The following PDE1C variants were observed in gnomAD, a reference collection of about 807,000 sequenced individuals.
PDE1C encodes dual specificity calcium/calmodulin-dependent 3',5'-cyclic nucleotide phosphodiesterase 1C.
A neutral mutation model predicts 93.1 loss-of-function variants in PDE1C; 62 were observed. The observed-to-expected ratio is 0.67, with a 90% CI of 0.54 to 0.82. The LOEUF (loss-of-function observed/expected upper bound fraction) is 0.82. Among genes scored for constraint, PDE1C ranks in the 40% least tolerant of loss-of-function variants. The pLI is 0.00. For synonymous variants in PDE1C, 325 were observed against 310.1 expected (o/e 1.05, Z -0.50); for missense variants, 742 against 884.6 (o/e 0.84, Z 2.04).
At chr7:31,646,317 TA>T in the PDE1C span, among the ~76,000 whole-genome samples, 1 of 152,128 alleles carries the variant, frequency 6.6e-6, no homozygotes, top group African/African-American at 2.4e-5. Context: ...TGTGAGGTAC[TA>T]GGGGTGTCCT....
intron 1 of PDE1C, among the ~76,000 whole-genome samples, chr7:32,245,302 AAAC>A (rs1175320660): frequency 1.3e-5 from 2 of 152,180 alleles, no homozygotes; most frequent in East Asian, 1.9e-4. Context: ...TCTTTAGCTG[AAAC>A]AACAAAACCC....
intron 3 of PDE1C, among the ~76,000 whole-genome samples, chr7:32,157,178 G>T (rs1801624316): frequency 6.6e-6 from 1 of 152,192 alleles, no homozygotes; most frequent in Admixed American, 6.5e-5. Context: ...TCAGTTAAAA[G>T]AGACTATCTT....
At chr7:32,237,014 A>G (rs1808136100) in intron 1 of PDE1C, among the ~76,000 whole-genome samples, 1 of 151,904 alleles carries the variant, frequency 6.6e-6, no homozygotes, top group Admixed American at 6.6e-5. Context: ...TCTTGTAGGC[A>G]TTATTCTGAG....
intron 1 of PDE1C, among the ~76,000 whole-genome samples, chr7:32,065,055 G>GC (rs1252499770): frequency 3.0e-5 from 1 of 33,524 alleles, no homozygotes; most frequent in African/African-American, 8.6e-5. Flanking sequence ...CGGCGGTGGG[G>GC]GGGGGGGGGA....
intron 1 of PDE1C, among the ~76,000 whole-genome samples, chr7:32,357,052 G>T (rs1396044498): frequency 6.6e-6 from 1 of 152,184 alleles, no homozygotes; most frequent in East Asian, 1.9e-4. Flanking sequence ...AAAAACTTTA[G>T]GCCGGGCTCA....
intron 3 of PDE1C, among the ~76,000 whole-genome samples, chr7:32,116,778 G>C (rs947287660): frequency 1.3e-5 from 2 of 152,058 alleles, no homozygotes; most frequent in African/African-American, 2.4e-5. Flanking sequence ...GATAATTTTT[G>C]TCCCCTTTTG....
chr7:32,427,027 C>T (rs982309711), intron 1 of PDE1C, among the ~76,000 whole-genome samples: 2 of 152,124 alleles, frequency 1.3e-5, no homozygotes, highest in African/African-American at 4.8e-5. Context: ...AAGGCATTTT[C>T]CTCCCACTTG....
In PDE1C at chr7:31,779,466, C is replaced by T. The variant is rs1783238757; in HGVS notation, c.1892-3734G>A. 3.3e-5 allele frequency among the ~76,000 whole-genome samples: 5 copies of T among 152,118 alleles called. No homozygotes were observed. The South Asian group carries it at 1.0e-3, about 32-fold the overall frequency. Reference sequence around the variant, plus strand: ...CTTTTCGTAGAGGTAGCTTTTCATCCCCTTGGTGTCTTCTTTGCAAACACT... The same window carrying T: ...CTTTTCGTAGAGGTAGCTTTTCATCTCCTTGGTGTCTTCTTTGCAAACACT... On this transcript the variant is annotated intron_variant, in intron 16 of 17. Coordinates refer to ENST00000396191, the MANE Select transcript of PDE1C (RefSeq NM_001191057.4).
At chr7:32,083,739 T>G (rs1428619837) in intron 3 of PDE1C, among the ~76,000 whole-genome samples, 2 of 151,838 alleles carry the variant, frequency 1.3e-5, no homozygotes, top group African/African-American at 2.4e-5. Context: ...GAATTTCATA[T>G]CCAGCCAAAC....
intron 2 of PDE1C, among the ~76,000 whole-genome samples, chr7:32,185,698 TTC>T (rs1803805102): frequency 6.6e-6 from 1 of 152,234 alleles, no homozygotes; most frequent in Non-Finnish European, 1.5e-5. Flanking sequence ...GCTTATTTTC[TTC>T]TCTGTCTACT....
chr7:32,082,184 T>A (rs1796710335), intron 3 of PDE1C, among the ~76,000 whole-genome samples: 1 of 152,274 alleles, frequency 6.6e-6, no homozygotes, highest in Non-Finnish European at 1.5e-5. Flanking sequence ...CCGACGGGCT[T>A]AAAAAACGGT....
chr7:31,730,897 C>T, the PDE1C span, among the ~76,000 whole-genome samples: 54 of 151,964 alleles, frequency 3.6e-4, 1 homozygote. Flanking sequence ...GGAAAGCACA[C>T]TGCAGACAAA....
chr7:32,068,492 G>A (rs1406875413), intron 1 of PDE1C, among the ~76,000 whole-genome samples: 7 of 152,164 alleles, frequency 4.6e-5, no homozygotes, highest in Non-Finnish European at 4.4e-5. Context: ...AAATTAGAAA[G>A]TGAAGCTATA....
At chr7:31,783,583 C>T (rs976529850) in intron 16 of PDE1C, 5 of 151,748 alleles carry the variant, frequency 3.3e-5, no homozygotes, top group African/African-American at 1.2e-4. Context: ...AGTACTTATG[C>T]ATTACTAGAT....
At chr7:32,212,290 C>T (rs912255476) in intron 1 of PDE1C, among the ~76,000 whole-genome samples, 2 of 152,138 alleles carry the variant, frequency 1.3e-5, no homozygotes, top group Admixed American at 6.5e-5. Flanking sequence ...CACATCTTCA[C>T]TCAGCCGGGC....
chr7:31,738,373 G>A, the PDE1C span, among the ~76,000 whole-genome samples: 9 of 152,310 alleles, frequency 5.9e-5, no homozygotes, highest in South Asian at 8.3e-4. Context: ...ACATCTTCAC[G>A]GTGGCAGGCA....
intron 16 of PDE1C, 58 bp downstream of exon 16, chr7:31,808,973 C>G (rs887968541): frequency 2.0e-6 from 2 of 989,194 alleles, no homozygotes; most frequent in Non-Finnish European, 3.2e-6. Flanking sequence ...ATGATTCTAA[C>G]AAGCTTACAT....
At chr7:31,863,381 A>G (rs1794901083) in intron 7 of PDE1C, among the ~76,000 whole-genome samples, 2 of 152,152 alleles carry the variant, frequency 1.3e-5, no homozygotes, top group Non-Finnish European at 2.9e-5. Flanking sequence ...TATATCTTCA[A>G]CTTTTGAAGA....
chr7:31,638,034 C>T, the PDE1C span, among the ~76,000 whole-genome samples: 3 of 152,018 alleles, frequency 2.0e-5, no homozygotes, highest in African/African-American at 7.2e-5. Context: ...GATGGGCTGC[C>T]CTCTCAACAG....
Sources: gnomAD v4.1 joint callset for allele counts (sites outside exome capture counted in the v4.1 genomes callset) on GRCh38, gnomAD v4.1.1 for gene constraint, MANE v1.5 for transcripts, NCBI Gene and HGNC (gene_info 2026-07-23, HGNC 2026-07-21) for gene names.